NCAM2: variants seen among roughly 807,000 people sequenced by gnomAD.
NCAM2 encodes the protein neural cell adhesion molecule 2, also known as N-CAM-2.
A neutral mutation model predicts 98.1 loss-of-function variants in NCAM2; 30 were observed. That is an observed-to-expected ratio of 0.31 (90% CI 0.23 to 0.41). NCAM2 has a LOEUF of 0.41. Among genes scored for constraint, NCAM2 ranks in the 10% least tolerant of loss-of-function variants. The probability of loss-of-function intolerance (pLI) is 1.00; values close to 1 mark genes in which losing one functional copy is unlikely to be tolerated. For synonymous variants in NCAM2, 368 were observed against 342.4 expected (o/e 1.07, Z -0.83); for missense variants, 867 against 1,005.8 (o/e 0.86, Z 1.87).
chr21:21,318,799 G>T (rs1218987057), intron 5 of NCAM2, among the ~76,000 whole-genome samples: 1 of 152,120 alleles, frequency 6.6e-6, no homozygotes, highest in Non-Finnish European at 1.5e-5. Flanking sequence ...GCCCAATAGT[G>T]TATCCACAGG....
Position 21,193,245 on chromosome 21 carries a change from C to CAATATTGGTATTTT in NCAM2, c.56-87331_56-87318dup, listed in dbSNP as rs561291146. ...AATGAATGAAAGGATTATAGGTATGCAATATTGGTATTTTATTAGATTATT... is the reference window on the plus strand; with the variant it reads ...AATGAATGAAAGGATTATAGGTATGCAATATTGGTATTTTAATATTGGTATTTTATTAGATTATT... On this transcript the variant is annotated intron_variant, in intron 1 of 17. Coordinates refer to ENST00000400546, the MANE Select transcript of NCAM2 (RefSeq NM_004540.5). Among the ~76,000 whole-genome samples the CAATATTGGTATTTT allele has an allele frequency of 2.5e-3, 379 of 152,050 alleles. 2 individuals are homozygous for CAATATTGGTATTTT. Among genetic ancestry groups the CAATATTGGTATTTT allele is most frequent in the African/African-American group, 8.7e-3 (362 of 41,468 alleles).
chr21:21,387,149 T>G (rs186565832), intron 9 of NCAM2, among the ~76,000 whole-genome samples: 1 of 151,732 alleles, frequency 6.6e-6, no homozygotes, highest in African/African-American at 2.4e-5. Context: ...TTTTTGGTTA[T>G]GTACTGGCAT....
At chr21:21,004,328 C>T (rs1229640269) in intron 1 of NCAM2, among the ~76,000 whole-genome samples, 1 of 152,140 alleles carries the variant, frequency 6.6e-6, no homozygotes, top group Non-Finnish European at 1.5e-5. Flanking sequence ...CACCTTATAA[C>T]TTATGATTAC....
At chr21:21,089,395 C>A (rs1320339471) in intron 1 of NCAM2, among the ~76,000 whole-genome samples, 1 of 152,114 alleles carries the variant, frequency 6.6e-6, no homozygotes, top group African/African-American at 2.4e-5. Context: ...CCTAATATGT[C>A]TATACCATCT....
chr21:21,376,412 G>A (rs557305226), intron 9 of NCAM2, among the ~76,000 whole-genome samples: 14 of 151,904 alleles, frequency 9.2e-5, no homozygotes, highest in African/African-American at 3.4e-4. Flanking sequence ...ATAAAACATA[G>A]CTCCTCCTTT....
chr21:21,284,030 C>T (rs1234712574), intron 2 of NCAM2, among the ~76,000 whole-genome samples, 164 bp from the exon 3 acceptor site: 3 of 151,938 alleles, frequency 2.0e-5, no homozygotes, highest in East Asian at 1.9e-4. Context: ...AACATTTGCA[C>T]TAACATTTGT....
intron 1 of NCAM2, among the ~76,000 whole-genome samples, chr21:21,174,144 T>G (rs1168889980): frequency 6.6e-6 from 1 of 152,126 alleles, no homozygotes; most frequent in African/African-American, 2.4e-5. Context: ...GGTCTCGAAC[T>G]ACTAACCTCA....
intron 1 of NCAM2, among the ~76,000 whole-genome samples, chr21:21,006,942 G>C (rs2064123656): frequency 6.6e-6 from 1 of 152,160 alleles, no homozygotes; most frequent in African/African-American, 2.4e-5. Flanking sequence ...ATTTAACTAT[G>C]CTAGTATTGT....
At chr21:21,524,326 G>T (rs914234631) in intron 16 of NCAM2, among the ~76,000 whole-genome samples, 1 of 151,580 alleles carries the variant, frequency 6.6e-6, no homozygotes, top group South Asian at 2.1e-4. Flanking sequence ...AAAAATATGT[G>T]AGGCAAAAAT....
intron 1 of NCAM2, among the ~76,000 whole-genome samples, chr21:21,077,661 A>C (rs2146390167): frequency 6.6e-6 from 1 of 152,338 alleles, no homozygotes; most frequent in Non-Finnish European, 1.5e-5. Flanking sequence ...TAAATAAAAT[A>C]GTCTAAACAA....
rs1418299304 is a variant in NCAM2, at chr21:21,542,654, CAAAG to C, written c.*4701_*4704del. The stretch of plus-strand genomic sequence containing the variant: ...AACCCGACATAGGAGAGTAGAGAAA[CAAAG>C]AAATGAGTGGATCTAGAAAGGCAAA... On this transcript the variant is annotated 3_prime_UTR_variant, in exon 18 of 18. Coordinates refer to ENST00000400546, the MANE Select transcript of NCAM2 (RefSeq NM_004540.5). The C allele has an allele frequency of 2.6e-5, 4 of 151,622 alleles. No homozygotes were observed. Among genetic ancestry groups the C allele is most frequent in the African/African-American group, 9.7e-5 (4 of 41,334 alleles). 9.4% of individuals were successfully genotyped at this position (151,622 alleles called of 1,614,324 possible).
chr21:21,124,096 C>T (rs998375331), intron 1 of NCAM2, among the ~76,000 whole-genome samples: 5 of 151,266 alleles, frequency 3.3e-5, no homozygotes, highest in Non-Finnish European at 7.4e-5. Context: ...TCCGGCCCAC[C>T]TCGGCGTCCC....
At chr21:21,003,017 T>C (rs2064048052) in intron 1 of NCAM2, among the ~76,000 whole-genome samples, 1 of 152,162 alleles carries the variant, frequency 6.6e-6, no homozygotes, top group Non-Finnish European at 1.5e-5. Flanking sequence ...CCAAGCTATC[T>C]CTAATTGTTC....
chr21:21,101,863 A>C (rs186002308), intron 1 of NCAM2, among the ~76,000 whole-genome samples: 26 of 152,208 alleles, frequency 1.7e-4, no homozygotes, highest in African/African-American at 6.3e-4. Flanking sequence ...AAAGACTACT[A>C]CTTGAAAATC....
chr21:21,188,572 T>A (rs532276112), intron 1 of NCAM2, among the ~76,000 whole-genome samples: 1 of 152,308 alleles, frequency 6.6e-6, no homozygotes, highest in Non-Finnish European at 1.5e-5. Context: ...ATTCTACTGA[T>A]GTCCCCTTAA....
intron 16 of NCAM2, among the ~76,000 whole-genome samples, chr21:21,517,748 C>T (rs1322183890): frequency 6.6e-6 from 1 of 152,066 alleles, no homozygotes; most frequent in Non-Finnish European, 1.5e-5. Context: ...ATCCCAGCTA[C>T]TCGGGAGGCT....
At chr21:21,316,533 C>CTTTTTTTTTT (rs34341259) in intron 5 of NCAM2, among the ~76,000 whole-genome samples, 53 of 110,878 alleles carry the variant, frequency 4.8e-4, no homozygotes, top group Non-Finnish European at 5.7e-4. Context: ...ATCTTTTATT[C>CTTTTTTTTTT]TTTTTTTTTT....
intron 1 of NCAM2, among the ~76,000 whole-genome samples, chr21:21,146,839 G>C (rs2067288151): frequency 6.6e-6 from 1 of 152,106 alleles, no homozygotes; most frequent in African/African-American, 2.4e-5. Context: ...CACAAAGACA[G>C]GTTAAACAAA....
rs1555846818 is a variant in NCAM2 at position 21,264,907 on chromosome 21, T to TAA, written c.56-15670_56-15669insAA. Among the ~76,000 whole-genome samples the TAA allele has an allele frequency of 2.8e-4, 32 of 112,646 alleles. 1 individual carries two copies. The highest frequency in any genetic ancestry group is 1.0e-3 in the African/African-American group (31 of 30,388). The allele number at this position is 112,646 out of a possible 152,430, so 73.9% of individuals were successfully genotyped here. A position where few individuals can be genotyped will look rare whatever the true frequency, so the allele number is the denominator to read the frequency against. On this transcript the variant is annotated intron_variant, in intron 1 of 17. Coordinates refer to ENST00000400546, the MANE Select transcript of NCAM2 (RefSeq NM_004540.5). ...ATATATATATGTGTGTGTATATATA[T>TAA]ACACATATATTAGATATACACATAT...
Sources: allele counts gnomAD v4.1 joint callset (sites outside exome capture counted in the v4.1 genomes callset), GRCh38; gene constraint gnomAD v4.1.1; transcripts MANE v1.5; gene names NCBI Gene and HGNC (gene_info 2026-07-23, HGNC 2026-07-21).